OPCML: variants seen among roughly 807,000 people sequenced by gnomAD.
The protein encoded by OPCML is opioid binding protein/cell adhesion molecule like, also known as opioid-binding protein/cell adhesion molecule.
In OPCML, 13 loss-of-function variants were observed where a neutral mutation model predicts 37.8. That is an observed-to-expected ratio of 0.34 (90% CI 0.22 to 0.55). OPCML has a LOEUF of 0.55. Ranked by LOEUF, OPCML falls within the 20% of genes least tolerant of loss-of-function variation. The pLI is 0.91. For missense variants in OPCML, 341 were observed against 435.6 expected (o/e 0.78, Z 1.93); for synonymous variants, 176 against 168.8 (o/e 1.04, Z -0.33).
chr11:132,812,758 G>A (rs1036824227), intron 2 of OPCML, among the ~76,000 whole-genome samples: 1 of 152,190 alleles, frequency 6.6e-6, no homozygotes, highest in Non-Finnish European at 1.5e-5. Context: ...TACATAGATT[G>A]TGGTATTAGT....
intron 1 of OPCML, among the ~76,000 whole-genome samples, chr11:133,082,792 G>C (rs1303668122): frequency 6.8e-6 from 1 of 147,806 alleles, no homozygotes; most frequent in Admixed American, 6.7e-5. Flanking sequence ...CCGGCGCCTG[G>C]GCCTCCTCGC....
chr11:132,760,921 G>A lies in OPCML; in HGVS notation c.147-103602C>T, dbSNP rs1261833273. ...ATGGCCTTTATATTTTGGTATGTTT[G>A]TGCAGTGGCTGGTACCAGTTTTTCC... On this transcript the variant is annotated intron_variant, in intron 2 of 7. Transcript: ENST00000524381. Among the ~76,000 whole-genome samples the A allele has an allele frequency of 3.3e-5, 5 of 152,110 alleles. No homozygotes were observed. In the South Asian group the frequency reaches 6.2e-4, roughly 19 times the overall value.
At chr11:132,909,335 T>C (rs1944348555) in intron 2 of OPCML, among the ~76,000 whole-genome samples, 1 of 152,218 alleles carries the variant, frequency 6.6e-6, no homozygotes, top group African/African-American at 2.4e-5. Flanking sequence ...ATGTGTTCTT[T>C]GGGTCCAAAA....
At chr11:133,165,980 C>T (rs2137229501) in intron 1 of OPCML, among the ~76,000 whole-genome samples, 1 of 152,342 alleles carries the variant, frequency 6.6e-6, no homozygotes, top group South Asian at 2.1e-4. Flanking sequence ...AATGCCTCTT[C>T]ATCTTGAAAG....
intron 2 of OPCML, among the ~76,000 whole-genome samples, chr11:132,809,981 C>A (rs1939241188): frequency 6.6e-6 from 1 of 152,168 alleles, no homozygotes; most frequent in Non-Finnish European, 1.5e-5. Context: ...TCCCGAGTAG[C>A]CGGGACTACA....
At chr11:133,006,564 C>T (rs1435976866) in intron 1 of OPCML, 28 of 985,304 alleles carry the variant, frequency 2.8e-5, no homozygotes, top group Non-Finnish European at 3.4e-5. Flanking sequence ...ACAAATTTTG[C>T]TATAGGGTGC....
At chr11:132,615,460 C>A (rs544608133) in intron 3 of OPCML, among the ~76,000 whole-genome samples, 2 of 152,206 alleles carry the variant, frequency 1.3e-5, no homozygotes, top group South Asian at 2.1e-4. Flanking sequence ...TCTTTATCAG[C>A]GAGTTCCATG....
At chr11:132,640,688 G>A (rs1185887303) in intron 3 of OPCML, among the ~76,000 whole-genome samples, 1 of 152,208 alleles carries the variant, frequency 6.6e-6, no homozygotes, top group Non-Finnish European at 1.5e-5. Context: ...TGGTGGTGAA[G>A]ACAGTGTAAT....
At chr11:132,681,734 T>C (rs1368799486) in intron 2 of OPCML, among the ~76,000 whole-genome samples, 1 of 151,976 alleles carries the variant, frequency 6.6e-6, no homozygotes, top group East Asian at 1.9e-4. Flanking sequence ...GGTGGGCAGA[T>C]CACGAGGTCA....
chr11:132,992,470 A>G (rs980210123), intron 1 of OPCML, among the ~76,000 whole-genome samples: 2 of 152,122 alleles, frequency 1.3e-5, no homozygotes, highest in African/African-American at 4.8e-5. Flanking sequence ...ACACGCATCT[A>G]TTTAAAACAA....
At chr11:133,348,162 T>A (rs1944043975) in intron 1 of OPCML, among the ~76,000 whole-genome samples, 1 of 152,200 alleles carries the variant, frequency 6.6e-6, no homozygotes, top group Non-Finnish European at 1.5e-5. Context: ...AAGTCTCTGT[T>A]ATGAAATGTG....
chr11:133,279,406 G>C (rs140361941), intron 1 of OPCML, among the ~76,000 whole-genome samples: 74 of 152,330 alleles, frequency 4.9e-4, no homozygotes, highest in African/African-American at 1.8e-3. Context: ...ACCATGGGCA[G>C]CTTAGCACAA....
At chr11:133,293,718 A>C (rs988048868) in intron 1 of OPCML, among the ~76,000 whole-genome samples, 3 of 152,168 alleles carry the variant, frequency 2.0e-5, no homozygotes, top group African/African-American at 7.2e-5. Context: ...CAAGGCTGAG[A>C]TACATCACAC....
At chr11:132,726,883 A>G (rs480859) in intron 2 of OPCML, among the ~76,000 whole-genome samples, 108,087 of 152,064 alleles carry the variant, frequency 0.71, 38,688 homozygotes, top group East Asian at 0.9. Flanking sequence ...CGCACTTCCT[A>G]CCAAACCCCT....
chr11:133,000,908 T>C (rs1946987846), intron 1 of OPCML, among the ~76,000 whole-genome samples: 1 of 152,220 alleles, frequency 6.6e-6, no homozygotes, highest in African/African-American at 2.4e-5. Flanking sequence ...TATGGTTTCC[T>C]GTGAGATCCA....
chr11:132,624,518 C>T (rs1939622786), intron 3 of OPCML, among the ~76,000 whole-genome samples: 1 of 152,116 alleles, frequency 6.6e-6, no homozygotes, highest in Non-Finnish European at 1.5e-5. Flanking sequence ...CCAGGGGTCC[C>T]TTGTCCTCTA....
At chr11:132,456,663 C>T (rs548613728) in intron 4 of OPCML, among the ~76,000 whole-genome samples, 1 of 152,308 alleles carries the variant, frequency 6.6e-6, no homozygotes, top group East Asian at 1.9e-4. Context: ...CAATGGCATT[C>T]ACCTAAGGCA....
At chr11:133,112,042 T>G (rs1043860163) in intron 1 of OPCML, among the ~76,000 whole-genome samples, 5 of 152,116 alleles carry the variant, frequency 3.3e-5, no homozygotes, top group Non-Finnish European at 5.9e-5. Context: ...ACCTTCACGC[T>G]GGTTCTTAGA....
At chr11:132,954,173 G>C (rs865966537) in intron 1 of OPCML, among the ~76,000 whole-genome samples, 1 of 151,720 alleles carries the variant, frequency 6.6e-6, no homozygotes. Flanking sequence ...GTTTTGGTGG[G>C]AGGACCAATG....
Sources: allele counts gnomAD v4.1 joint callset (sites outside exome capture counted in the v4.1 genomes callset), GRCh38; gene constraint gnomAD v4.1.1; transcripts MANE v1.5; gene names NCBI Gene and HGNC (gene_info 2026-07-23, HGNC 2026-07-21).